The following RYR2 variants were observed in gnomAD, a reference collection of about 807,000 sequenced individuals.
The protein encoded by RYR2 is cardiac muscle ryanodine receptor-calcium release channel.
Under a neutral mutation model 601.1 loss-of-function variants are expected in RYR2, and 227 were observed. The observed-to-expected ratio is 0.38, with a 90% confidence interval of 0.34 to 0.42. The LOEUF (loss-of-function observed/expected upper bound fraction) is 0.42, where lower values mean the gene tolerates loss of function less well. Among genes scored for constraint, RYR2 ranks in the 10% least tolerant of loss-of-function variants. The pLI, the probability that RYR2 is intolerant of heterozygous loss-of-function variation, is 1.00. For synonymous variants in RYR2, 2,223 were observed against 2,175.1 expected, an observed-to-expected ratio of 1.02 and a Z score of -0.61; for missense variants, 4,646 against 6,156.5, an observed-to-expected ratio of 0.75 and a Z score of 8.21.
intron 29 of RYR2, among the ~76,000 whole-genome samples, chr1:237,570,586 A>T (rs1672584188): frequency 6.6e-6 from 1 of 151,866 alleles, no homozygotes. Context: ...TGATCCACCC[A>T]CCTCAGTCCT....
At chr1:237,063,684 G>A (rs922352910) in intron 1 of RYR2, among the ~76,000 whole-genome samples, 6 of 151,856 alleles carry the variant, frequency 4.0e-5, no homozygotes, top group South Asian at 2.1e-4. Flanking sequence ...TTACTTATAT[G>A]TTGCACTGTC....
chr1:237,460,277 C>T (rs556985007), intron 16 of RYR2, among the ~76,000 whole-genome samples: 2 of 151,986 alleles, frequency 1.3e-5, no homozygotes, highest in South Asian at 2.1e-4. Flanking sequence ...CAACGCTTCT[C>T]GCATCTCATT....
intron 1 of RYR2, among the ~76,000 whole-genome samples, chr1:237,240,180 G>A (rs1368329542): frequency 2.6e-5 from 4 of 152,110 alleles, no homozygotes; most frequent in South Asian, 2.1e-4. Flanking sequence ...GGTTGCCGTC[G>A]TCTAAGGCAG....
intron 10 of RYR2, among the ~76,000 whole-genome samples, chr1:237,394,013 G>A (rs550268087): frequency 6.6e-6 from 1 of 152,228 alleles, no homozygotes; most frequent in South Asian, 2.1e-4. Flanking sequence ...TATATGAATA[G>A]AAAAACAGAC....
chr1:237,685,038 GT>G (rs1686259459), intron 62 of RYR2, among the ~76,000 whole-genome samples: 1 of 152,006 alleles, frequency 6.6e-6, no homozygotes, highest in Admixed American at 6.6e-5. Context: ...AAAAGAAAAG[GT>G]TATTATCTTT....
intron 1 of RYR2, among the ~76,000 whole-genome samples, chr1:237,148,525 A>ATATAT (rs1288744725): frequency 6.3e-4 from 51 of 81,494 alleles, no homozygotes; most frequent in Non-Finnish European, 8.8e-4. Flanking sequence ...TAAAAAAAAA[A>ATATAT]AAATATATAT....
At position 237,604,455 on chromosome 1, in the gene RYR2, C is replaced by A. The variant is rs573350031; in HGVS notation, c.4683+2344C>A. Among the ~76,000 whole-genome samples, 3 of 152,128 alleles carry A rather than the reference C, an allele frequency of 2.0e-5. No individual in the cohort carries two copies. In the South Asian group the frequency reaches 6.2e-4, roughly 32 times the overall value. ...GAGGGAAACTTATAGCACTAATGCC[C>A]ACAAGAGAGAGCAGGAAAGATCTAA... On this transcript the variant is annotated intron_variant, in intron 35 of 104. Coordinates refer to ENST00000366574, the MANE Select transcript of RYR2 (RefSeq NM_001035.3).
chr1:237,157,072 G>T (rs1272128354), intron 1 of RYR2, among the ~76,000 whole-genome samples: 2 of 152,020 alleles, frequency 1.3e-5, no homozygotes, highest in Admixed American at 1.3e-4. Context: ...GAGGCGGGTG[G>T]ATCACCTGAG....
chr1:237,488,950 G>A (rs1197886919), intron 17 of RYR2, among the ~76,000 whole-genome samples: 3 of 152,110 alleles, frequency 2.0e-5, no homozygotes, highest in Non-Finnish European at 4.4e-5. Flanking sequence ...TTGGAGAGAC[G>A]AAAACATTCA....
At chr1:237,553,987 AT>A (rs750661538) in intron 27 of RYR2, among the ~76,000 whole-genome samples, 5 of 152,010 alleles carry the variant, frequency 3.3e-5, no homozygotes, top group East Asian at 1.9e-4. Context: ...TTCTTTTACA[AT>A]TGGTATAGCT....
chr1:237,357,819 T>A (rs1454659996), intron 4 of RYR2, among the ~76,000 whole-genome samples: 1 of 152,190 alleles, frequency 6.6e-6, no homozygotes, highest in Non-Finnish European at 1.5e-5. Context: ...ACTCCTTTTT[T>A]CTTAAGTATT....
chr1:237,301,216 C>G (rs1172370351), intron 2 of RYR2, among the ~76,000 whole-genome samples: 1 of 152,080 alleles, frequency 6.6e-6, no homozygotes, highest in African/African-American at 2.4e-5. Flanking sequence ...AAAAAAAACT[C>G]TATGCTAATC....
rs765875891 is a variant in RYR2, at chr1:237,374,744, T to G, written c.412T>G (p.Ser138Ala). Reference sequence around the variant, plus strand: ...TCTGTGCTGCCTGTCCACCTCCCGGTCTTCAACTGATAAGCTGGCTTTTGA... The same window carrying G: ...TCTGTGCTGCCTGTCCACCTCCCGGGCTTCAACTGATAAGCTGGCTTTTGA... ...MYLCCLSTSR[S>A]STDKLAFDVG... The change falls in exon 7 of 105, where the codon TCT becomes GCT. Residue 138 changes from serine to alanine, a missense_variant. By Grantham distance (99) the Ser-to-Ala change is moderately conservative. This residue lies in a region of RYR2 where 153 missense variants were observed against 203.6 expected (regional missense o/e 0.75). Transcript: ENST00000366574. 5 of 1,613,098 alleles carry G rather than the reference T, an allele frequency of 3.1e-6. No homozygotes were observed. In the Admixed American group the frequency reaches 8.3e-5, roughly 27 times the overall value.
chr1:237,483,229 C>T (rs887656790), intron 17 of RYR2, among the ~76,000 whole-genome samples: 5 of 152,214 alleles, frequency 3.3e-5, no homozygotes, highest in Non-Finnish European at 7.3e-5. Flanking sequence ...TTACGACTAT[C>T]ATCACTGCTC....
chr1:237,569,603 GT>G (rs1362068143), intron 29 of RYR2, among the ~76,000 whole-genome samples: 1 of 152,156 alleles, frequency 6.6e-6, no homozygotes. Context: ...TTCCATCATT[GT>G]TAAATTTTCA....
intron 3 of RYR2, among the ~76,000 whole-genome samples, chr1:237,344,397 A>G (rs921624794): frequency 2.0e-5 from 3 of 152,182 alleles, no homozygotes; most frequent in African/African-American, 7.2e-5. Context: ...TTCTGGCTCC[A>G]ATTAGTTCTT....
intron 1 of RYR2, among the ~76,000 whole-genome samples, chr1:237,089,355 A>G (rs1666701980): frequency 6.6e-6 from 1 of 152,244 alleles, no homozygotes; most frequent in Non-Finnish European, 1.5e-5. Flanking sequence ...AGTGTAGAAA[A>G]GAATAACCAT....
At chr1:237,747,033 TCTC>T (rs984863538) in intron 80 of RYR2, among the ~76,000 whole-genome samples, 1 of 152,180 alleles carries the variant, frequency 6.6e-6, no homozygotes, top group Non-Finnish European at 1.5e-5. Flanking sequence ...TTATTGCTCT[TCTC>T]TAAAATCTGA....
chr1:237,465,357 TA>T (rs535843051), intron 16 of RYR2, among the ~76,000 whole-genome samples: 145 of 152,306 alleles, frequency 9.5e-4, no homozygotes, highest in African/African-American at 3.2e-3. Context: ...TTAATTTCAT[TA>T]ATATATAAAC....
Sources: allele counts gnomAD v4.1 joint callset (sites outside exome capture counted in the v4.1 genomes callset), GRCh38; gene constraint gnomAD v4.1.1; regional missense constraint gnomAD v4.1.1; transcripts MANE v1.5; gene names NCBI Gene and HGNC (gene_info 2026-07-23, HGNC 2026-07-21).